The following SIGLEC11 variants were observed in gnomAD, a reference collection of about 807,000 sequenced individuals.
SIGLEC11 encodes sialic acid binding Ig like lectin 11.
A neutral mutation model predicts 61.2 loss-of-function variants in SIGLEC11; 47 were observed. That is an observed-to-expected ratio of 0.77 (90% CI 0.61 to 0.98). SIGLEC11 has a LOEUF of 0.98. SIGLEC11 is among the 50% of genes least tolerant of loss of function. The probability of loss-of-function intolerance (pLI) is 0.00; values close to 1 mark genes in which losing one functional copy is unlikely to be tolerated. For synonymous variants in SIGLEC11, 278 were observed against 373.1 expected, an observed-to-expected ratio of 0.75 and a Z score of 2.94; for missense variants, 610 against 870.3, an observed-to-expected ratio of 0.70 and a Z score of 3.76.
Position 49,958,401 on chromosome 19 carries a change from C to A in SIGLEC11, c.1533G>T (p.Gly511=). The change falls in exon 8 of 11, where the codon GGG becomes GGT. Residue 511 remains glycine, a synonymous_variant. Transcript: ENST00000447370. ...GSFEVTPSSA[G]PWANSSLSLH... ...GGCTCAGGGAGCTGTTGGCCCAGGG[C>A]CCGGCTGAGCTGGGGGTGACCTCGA... The A allele has an allele frequency of 1.2e-6, 2 of 1,614,106 alleles. No homozygotes were observed. Among genetic ancestry groups the A allele is most frequent in the Non-Finnish European group, 1.7e-6 (2 of 1,180,024 alleles).
At position 49,954,808 on chromosome 19, in the gene SIGLEC11, A is replaced by G. The variant is rs548822081; in HGVS notation, c.1652-2414T>C. Among the ~76,000 whole-genome samples, 5 of 152,286 alleles carry G rather than the reference A, an allele frequency of 3.3e-5. No homozygotes were observed. In the South Asian group the frequency reaches 8.3e-4, roughly 25 times the overall value. ...CAGCAGATGCAGTGAATGCTCAGGC[A>G]TACACTCAAGGTCAGTTCTCATACC... On this transcript the variant is annotated intron_variant, in intron 8 of 10. Coordinates refer to ENST00000447370, the MANE Select transcript of SIGLEC11 (RefSeq NM_052884.3).
In SIGLEC11 at chr19:49,955,955, C is replaced by A. The variant is rs970173990; in HGVS notation, c.1651+2328G>T. On this transcript the variant is annotated intron_variant, in intron 8 of 10. Transcript: ENST00000447370. This position sits in a 1 kb window ranked among gnomAD's most constrained non-coding sequence, Gnocchi z 4.5. ...GTCTCAAAAAAAAAAAAAAAAAGAACTTGTACTTATGGCCGGGCGCAGTGG... is the reference window on the plus strand; with the variant it reads ...GTCTCAAAAAAAAAAAAAAAAAGAAATTGTACTTATGGCCGGGCGCAGTGG... 1.2e-4 allele frequency among the ~76,000 whole-genome samples: 18 copies of A among 148,340 alleles called. No individual in the cohort carries two copies. The highest frequency in any genetic ancestry group is 4.5e-4 in the African/African-American group (18 of 39,594).
At position 49,955,059 on chromosome 19, in the gene SIGLEC11, AGCGCATGGTAAACACAGCATTTGTAGG is replaced by A. The variant is rs1352599318; in HGVS notation, c.1652-2692_1652-2666del. On this transcript the variant is annotated intron_variant, in intron 8 of 10. Transcript: ENST00000447370. The surrounding 1 kb of genome is among the most constrained non-coding windows in gnomAD (Gnocchi z 4.5). ...TTTGACCCTGAGGCTGCTGAAAATC[AGCGCATGGTAAACACAGCATTTGTAGG>A]GCAAGCCCAGGGTGACGTCAAGCGG... Among the ~76,000 whole-genome samples the A allele has an allele frequency of 6.6e-6, 1 of 152,222 alleles. No homozygotes were observed. Among genetic ancestry groups the A allele is most frequent in the Non-Finnish European group, 1.5e-5 (1 of 68,034 alleles).
At position 49,950,322 on chromosome 19, in the gene SIGLEC11, G is replaced by A. The variant is rs1304627523; in HGVS notation, c.1831-86C>T. 6 of 1,313,840 alleles carry A rather than the reference G, an allele frequency of 4.6e-6. No individual in the cohort carries two copies. In the Admixed American group the frequency reaches 9.6e-5, roughly 21 times the overall value. 81.4% of individuals were successfully genotyped at this position (1,313,840 alleles called of 1,614,324 possible). A position where few individuals can be genotyped will look rare whatever the true frequency, so the allele number is the denominator to read the frequency against. ...GGATGCACAAGAGGATCTGGAAATT[G>A]AGTATTTCCTGTTTCACCTACTCAT... is the stretch of plus-strand genomic sequence containing the variant. On this transcript the variant is annotated intron_variant, in intron 10 of 10. Transcript: ENST00000447370.
At position 49,958,971 on chromosome 19, in the gene SIGLEC11, G is replaced by A. The variant is rs1262429782; in HGVS notation, c.1105+59C>T. The stretch of plus-strand genomic sequence containing the variant: ...GACCCTCCTGTGTGGGGACCCTCCA[G>A]ACTCCTGGGCCCCCAGTTTGGCACT... On this transcript the variant is annotated intron_variant, in intron 6 of 10. Coordinates refer to ENST00000447370, the MANE Select transcript of SIGLEC11 (RefSeq NM_052884.3). 11 of 1,613,194 alleles carry A rather than the reference G, an allele frequency of 6.8e-6. No homozygotes were observed. The East Asian group carries it at 2.5e-4, about 36-fold the overall frequency.
chr19:49,955,431 C>A lies in SIGLEC11; in HGVS notation c.1651+2852G>T. ...ACGGCTGTGCAGATCCTACCTAGCC[C>A]AAAAAAGTAAGTGTGAAAAAGGAAA... is the stretch of plus-strand genomic sequence containing the variant. On this transcript the variant is annotated intron_variant, in intron 8 of 10. Transcript: ENST00000447370. The surrounding 1 kb of genome is among the most constrained non-coding windows in gnomAD (Gnocchi z 4.5). Among the ~76,000 whole-genome samples the A allele has an allele frequency of 6.6e-6, 1 of 151,696 alleles. No homozygotes were observed.
At chr19:49,959,952 A>C in intron 3 of SIGLEC11, 132 bp from the exon 4 acceptor site, 1 of 635,954 alleles carries the variant, frequency 1.6e-6, no homozygotes, top group Non-Finnish European at 2.6e-6. Context: ...GGGCTCACAC[A>C]TGTGGACAGA....
Position 49,952,364 on chromosome 19 carries a change from A to G in SIGLEC11, c.1682T>C (p.Leu561Pro), listed in dbSNP as rs758213001. Reference protein sequence around the residue: ...GKLEHGGGLGLGAALGAGVAA... With the variant: ...GKLEHGGGLGPGAALGAGVAA... ...GACGCCAGCTCCCAGGGCAGCCCCC[A>G]GGCCAAGTCCTCCCCCATGCTCCAG... The change falls in exon 9 of 11, where the codon CTG becomes CCG. Residue 561 changes from leucine to proline, a missense_variant. This residue lies in a region of SIGLEC11 where 432 missense variants were observed against 441.5 expected (regional missense o/e 0.98). Transcript: ENST00000447370. The G allele has an allele frequency of 6.2e-6, 10 of 1,608,792 alleles. No individual in the cohort carries two copies. The highest frequency in any genetic ancestry group is 1.6e-4 in the Middle Eastern group (1 of 6,082).
intron 8 of SIGLEC11, among the ~76,000 whole-genome samples, chr19:49,957,406 C>T (rs2076204452): frequency 6.7e-6 from 1 of 149,128 alleles, no homozygotes; most frequent in Non-Finnish European, 1.5e-5. Flanking sequence ...ACAAAAAAAA[C>T]CCAAGTCTTT....
rs2076220307 is a variant in SIGLEC11 at position 49,958,892 on chromosome 19, T to A, written c.1114A>T (p.Asn372Tyr). 1 of 1,600,916 alleles carries A rather than the reference T, an allele frequency of 6.2e-7. No homozygotes were observed. Among genetic ancestry groups the A allele is most frequent in the Non-Finnish European group, 8.5e-7 (1 of 1,172,554 alleles). The part of the protein sequence containing the change: ...VSQANRTVLE[N>Y]LGNGTSLPVL... Reference sequence around the variant, plus strand: ...GGGAGGGATGTGCCGTTCCCGAGGTTTTCCAGGACTAGGGAAGGAAGAGGC... The same window carrying A: ...GGGAGGGATGTGCCGTTCCCGAGGTATTCCAGGACTAGGGAAGGAAGAGGC... The change falls in exon 7 of 11, where the codon AAC (asparagine) becomes TAC (tyrosine). Residue 372 changes from asparagine to tyrosine, a missense_variant. By Grantham distance (143) the Asn-to-Tyr change is moderately radical. This residue lies in a region of SIGLEC11 where 432 missense variants were observed against 441.5 expected (regional missense o/e 0.98). Coordinates refer to ENST00000447370, the MANE Select transcript of SIGLEC11 (RefSeq NM_052884.3).
rs1555833569 is a variant in SIGLEC11 at position 49,952,283 on chromosome 19, C to G, written c.1748+15G>C. ...CCCTTCCCACACCCTGCATTGCCTGCCCTCCGATGCTTACCTGAAGACGAC... is the reference window on the plus strand; with the variant it reads ...CCCTTCCCACACCCTGCATTGCCTGGCCTCCGATGCTTACCTGAAGACGAC... On this transcript the variant is annotated intron_variant, in intron 9 of 10. Transcript: ENST00000447370. 1.2e-6 allele frequency: 2 copies of G among 1,611,070 alleles called. No homozygotes were observed. Among genetic ancestry groups the G allele is most frequent in the South Asian group, 2.2e-5 (2 of 90,952 alleles).
Position 49,949,876 on chromosome 19 carries a change from T to C in SIGLEC11, c.*94A>G, listed in dbSNP as rs552796127. The C allele has an allele frequency of 6.4e-6, 8 of 1,254,556 alleles. No individual in the cohort carries two copies. The South Asian group carries it at 8.7e-5, about 14-fold the overall frequency. The allele number at this position is 1,254,556 out of a possible 1,614,324, so 77.7% of individuals were successfully genotyped here. A position where few individuals can be genotyped will look rare whatever the true frequency, so the allele number is the denominator to read the frequency against. ...ATAATCTTCAAACTCAAGCTCTTCA[T>C]TGGGGATGGGGCTGAAATCTGAGTC... On this transcript the variant is annotated 3_prime_UTR_variant, in exon 11 of 11. Coordinates refer to ENST00000447370, the MANE Select transcript of SIGLEC11 (RefSeq NM_052884.3).
Position 49,951,058 on chromosome 19 carries a change from A to C in SIGLEC11, c.1831-822T>G, listed in dbSNP as rs2076155315. 6.6e-6 allele frequency among the ~76,000 whole-genome samples: 1 copy of C among 152,220 alleles called. No homozygotes were observed. Among genetic ancestry groups the C allele is most frequent in the Admixed American group, 6.5e-5 (1 of 15,284 alleles). ...CCCTGTTGACCTGGGACCACAAGCC[A>C]GGCCACATAGTTTACGCCAGCACTG... On this transcript the variant is annotated intron_variant, in intron 10 of 10. Transcript: ENST00000447370. This position sits in a 1 kb window ranked among gnomAD's most constrained non-coding sequence, Gnocchi z 4.6.
rs755464721 is a variant in SIGLEC11, at chr19:49,960,563, A to G, written c.449T>C (p.Leu150Pro). ...RHSFLSNAFF[L>P]KVTALTKKPD... Reference sequence around the variant, plus strand: ...ACCCCATTCCATACCTGTTACTTTTAGAAAGAACGCATTGCTCAGGAAACT... The same window carrying G: ...ACCCCATTCCATACCTGTTACTTTTGGAAAGAACGCATTGCTCAGGAAACT... The change falls in exon 2 of 11, where the codon CTA becomes CCA. Residue 150 changes from leucine to proline, a missense_variant. Leu to Pro is a moderately conservative substitution (Grantham distance 98). Transcript: ENST00000447370. 2 of 1,598,168 alleles carry G rather than the reference A, an allele frequency of 1.3e-6. No individual in the cohort carries two copies. The highest frequency in any genetic ancestry group is 2.2e-5 in the South Asian group (2 of 90,680).
Position 49,950,084 on chromosome 19 carries a change from C to T in SIGLEC11, c.1983G>A (p.Glu661=), listed in dbSNP as rs373962514. ...GLRLWEPADQ[E]APSTTEYSEI... is the part of the protein sequence containing the mutation. ...CCGAGTACTCGGTGGTGCTGGGGGCCTCCTGGTCCGCAGGCTCCCAGAGCC... is the reference window on the plus strand; with the variant it reads ...CCGAGTACTCGGTGGTGCTGGGGGCTTCCTGGTCCGCAGGCTCCCAGAGCC... The change falls in exon 11 of 11, where the codon GAG becomes GAA. Residue 661 remains glutamate, a synonymous_variant. Transcript: ENST00000447370. The T allele has an allele frequency of 1.2e-6, 2 of 1,610,380 alleles. No individual in the cohort carries two copies. The highest frequency in any genetic ancestry group is 1.7e-6 in the Non-Finnish European group (2 of 1,178,046).
chr19:49,953,424 C>T lies in SIGLEC11; in HGVS notation c.1652-1030G>A, dbSNP rs2076173285. The stretch of plus-strand genomic sequence containing the variant: ...GATTTGGATGAAACTCACACCCCAA[C>T]CATCACAGGATGTGAGAATGGTTTG... On this transcript the variant is annotated intron_variant, in intron 8 of 10. Transcript: ENST00000447370. 2.0e-5 allele frequency among the ~76,000 whole-genome samples: 3 copies of T among 152,020 alleles called. No individual in the cohort carries two copies. The South Asian group carries it at 6.2e-4, about 32-fold the overall frequency.
chr19:49,950,563 C>T (rs1413296547), intron 10 of SIGLEC11, among the ~76,000 whole-genome samples: 3 of 152,096 alleles, frequency 2.0e-5, no homozygotes, highest in Admixed American at 6.5e-5. Flanking sequence ...TGAGTAAATA[C>T]CCCAAACCCG....
Position 49,949,763 on chromosome 19 carries a change from A to G in SIGLEC11, c.*207T>C, listed in dbSNP as rs1003745010. 35 of 405,718 alleles carry G rather than the reference A, an allele frequency of 8.6e-5. No homozygotes were observed. The highest frequency in any genetic ancestry group is 6.6e-4 in the African/African-American group (32 of 48,650). The allele number at this position is 405,718 out of a possible 1,614,324, so 25.1% of individuals were successfully genotyped here. A position where few individuals can be genotyped will look rare whatever the true frequency, so the allele number is the denominator to read the frequency against. On this transcript the variant is annotated 3_prime_UTR_variant, in exon 11 of 11. Coordinates refer to ENST00000447370, the MANE Select transcript of SIGLEC11 (RefSeq NM_052884.3). ...AGGCTGAAATGGGAGGCTCACTTCA[A>G]CCTGGCAGGTTGAGGCTACAGTGAG...
At chr19:49,956,685 C>T (rs1303746784) in intron 8 of SIGLEC11, among the ~76,000 whole-genome samples, 1 of 152,062 alleles carries the variant, frequency 6.6e-6, no homozygotes, top group Non-Finnish European at 1.5e-5. Flanking sequence ...TAGTATAGGC[C>T]AGCTACCTGG....
Sources: allele counts gnomAD v4.1 joint callset (sites outside exome capture counted in the v4.1 genomes callset), GRCh38; gene constraint gnomAD v4.1.1; regional missense constraint gnomAD v4.1.1; non-coding constraint Gnocchi (gnomAD v3.1); transcripts MANE v1.5; gene names NCBI Gene and HGNC (gene_info 2026-07-23, HGNC 2026-07-21).